The following GLIS1 variants were observed in gnomAD, a reference collection of about 807,000 sequenced individuals.
GLIS1 encodes GLIS family zinc finger 1, also known as zinc finger protein GLIS1.
Under a neutral mutation model 63.8 loss-of-function variants are expected in GLIS1, and 24 were observed. The ratio of observed to expected loss-of-function variants is 0.38; its 90% CI spans 0.27 to 0.53. The LOEUF (loss-of-function observed/expected upper bound fraction) is 0.53. Ranked by LOEUF, GLIS1 falls within the 20% of genes least tolerant of loss-of-function variation. The pLI is 0.85. For missense variants in GLIS1, 1,036 were observed against 1,074.1 expected (o/e 0.96, Z 0.50); for synonymous variants, 450 against 482.5 (o/e 0.93, Z 0.88).
At chr1:53,687,014 A>G (rs905077587) in intron 2 of GLIS1, among the ~76,000 whole-genome samples, 5 of 152,086 alleles carry the variant, frequency 3.3e-5, no homozygotes, top group Non-Finnish European at 7.3e-5. Flanking sequence ...CCCAAGAGCT[A>G]CTCCACTGCC....
intron 2 of GLIS1, among the ~76,000 whole-genome samples, chr1:53,713,602 T>A (rs1052977414): frequency 1.6e-4 from 25 of 152,170 alleles, no homozygotes; most frequent in Non-Finnish European, 2.5e-4. Context: ...AAAAATTTTT[T>A]AAAAAAATAA....
intron 4 of GLIS1, among the ~76,000 whole-genome samples, chr1:53,545,199 C>T (rs1644685537): frequency 6.6e-6 from 1 of 152,176 alleles, no homozygotes; most frequent in Non-Finnish European, 1.5e-5. Context: ...ATCACCCCTC[C>T]CAGGGCTGTG....
intron 2 of GLIS1, among the ~76,000 whole-genome samples, chr1:53,724,751 T>A (rs528860756): frequency 6.6e-6 from 1 of 152,182 alleles, no homozygotes; most frequent in South Asian, 2.1e-4. Flanking sequence ...AACTCCTGGC[T>A]TCAAGCAATC....
chr1:53,710,429 G>A (rs977161030), intron 2 of GLIS1, among the ~76,000 whole-genome samples: 1 of 152,262 alleles, frequency 6.6e-6, no homozygotes, highest in African/African-American at 2.4e-5. Flanking sequence ...AAGGCAGGTG[G>A]TCTCAGACAG....
At position 53,513,064 on chromosome 1, in the gene GLIS1, C is replaced by G. The variant is rs369238796; in HGVS notation, c.1883+1561G>C. ...GTTTTCTGGGTCCCCCTTTGCACCCCCTTCAGGCTGCCTCTTCATGGTTCT... is the reference window on the plus strand; with the variant it reads ...GTTTTCTGGGTCCCCCTTTGCACCCGCTTCAGGCTGCCTCTTCATGGTTCT... On this transcript the variant is annotated intron_variant, in intron 8 of 10. Coordinates refer to ENST00000628545, the MANE Select transcript of GLIS1 (RefSeq NM_001367484.1). Among the ~76,000 whole-genome samples the G allele has an allele frequency of 5.3e-5, 8 of 152,222 alleles. No individual in the cohort carries two copies. In the South Asian group the frequency reaches 1.5e-3, roughly 28 times the overall value.
intron 1 of GLIS1, among the ~76,000 whole-genome samples, chr1:53,738,491 C>G (rs1377775775): frequency 6.6e-6 from 1 of 152,204 alleles, no homozygotes. Flanking sequence ...ACGAGGATTC[C>G]CAGAGCAGGG....
chr1:53,521,541 G>A (rs989436697), intron 6 of GLIS1, among the ~76,000 whole-genome samples: 5 of 152,158 alleles, frequency 3.3e-5, no homozygotes, highest in Non-Finnish European at 5.9e-5. Context: ...CTCACCCCAG[G>A]CTGCCATGAG....
intron 10 of GLIS1, among the ~76,000 whole-genome samples, chr1:53,507,427 C>T (rs1231365933): frequency 2.0e-5 from 3 of 152,146 alleles, no homozygotes; most frequent in African/African-American, 4.8e-5. Context: ...GCTCTTCCAC[C>T]GGACATGCTG....
chr1:53,637,775 C>T (rs1645742374), intron 2 of GLIS1, among the ~76,000 whole-genome samples: 1 of 152,112 alleles, frequency 6.6e-6, no homozygotes, highest in African/African-American at 2.4e-5. Flanking sequence ...TGTCACCATC[C>T]CCCTTGTGAG....
In GLIS1 at chr1:53,598,737, A is replaced by C. The variant is rs1052971006; in HGVS notation, c.437+1364T>G. Among the ~76,000 whole-genome samples the C allele has an allele frequency of 1.3e-5, 2 of 152,208 alleles. No individual in the cohort carries two copies. Among genetic ancestry groups the C allele is most frequent in the African/African-American group, 4.8e-5 (2 of 41,468 alleles). ...AACCACCTAGTCCATGGCATTTGCTATGGCAGCCTAAACAAACGAATACAC... is the reference window on the plus strand; with the variant it reads ...AACCACCTAGTCCATGGCATTTGCTCTGGCAGCCTAAACAAACGAATACAC... On this transcript the variant is annotated intron_variant, in intron 3 of 10. Coordinates refer to ENST00000628545, the MANE Select transcript of GLIS1 (RefSeq NM_001367484.1). The surrounding 1 kb of genome is among the most constrained non-coding windows in gnomAD (Gnocchi z 4.6).
chr1:53,683,757 G>A (rs1215374115), intron 2 of GLIS1, among the ~76,000 whole-genome samples: 1 of 152,136 alleles, frequency 6.6e-6, no homozygotes, highest in African/African-American at 2.4e-5. Context: ...ACCCTGGGGA[G>A]GTACTGAGCA....
chr1:53,534,896 G>A (rs925031467), intron 4 of GLIS1, among the ~76,000 whole-genome samples: 4 of 152,034 alleles, frequency 2.6e-5, no homozygotes, highest in African/African-American at 7.3e-5. Flanking sequence ...GGGCTGACCC[G>A]GGGGCTTCTG....
chr1:53,520,676 C>T lies in GLIS1; in HGVS notation c.1684G>A (p.Asp562Asn), dbSNP rs749765535. ...LHTSTQLAAS[D>N]GKGGCGLGQE... ...CCCAGGCCACAGCCACCCTTGCCGT[C>T]GCTGGCAGCCAGCTGTGTGGACGTG... Residue 562 changes from aspartate to asparagine, a missense_variant, in exon 7 of 11, where the codon GAC becomes AAC. Coordinates refer to ENST00000628545, the MANE Select transcript of GLIS1 (RefSeq NM_001367484.1). 32 of 1,610,256 alleles carry T rather than the reference C, an allele frequency of 2.0e-5. No individual in the cohort carries two copies. Among genetic ancestry groups the T allele is most frequent in the Admixed American group, 3.3e-5 (2 of 59,730 alleles).
In GLIS1 at chr1:53,594,444, A is replaced by G. The variant is rs1243168382; in HGVS notation, c.984T>C (p.Phe328=). 6.2e-7 allele frequency: 1 copy of G among 1,612,820 alleles called. No homozygotes were observed. The highest frequency in any genetic ancestry group is 1.3e-5 in the African/African-American group (1 of 74,952). ...SFLKQEPADE[F]SELFGPHQQG... ...GCTGGTGAGGCCCAAAGAGCTCTGAAAACTCATCCGCGGGTTCCTGCTTCA... is the reference window on the plus strand; with the variant it reads ...GCTGGTGAGGCCCAAAGAGCTCTGAGAACTCATCCGCGGGTTCCTGCTTCA... The change falls in exon 4 of 11, where the codon TTT becomes TTC. Residue 328 remains phenylalanine, a synonymous_variant. Transcript: ENST00000628545.
chr1:53,613,530 T>C (rs539413291), intron 2 of GLIS1, among the ~76,000 whole-genome samples: 5 of 152,376 alleles, frequency 3.3e-5, no homozygotes, highest in Admixed American at 6.5e-5. Context: ...AGAAATTTTA[T>C]GTAGCTATTG....
intron 4 of GLIS1, among the ~76,000 whole-genome samples, chr1:53,556,994 G>A (rs565045921): frequency 1.5e-3 from 220 of 151,376 alleles, no homozygotes; most frequent in African/African-American, 4.7e-3. Flanking sequence ...GTGTGTGTTC[G>A]TGTGTACTAC....
rs760394115 is a variant in GLIS1 at position 53,594,744 on chromosome 1, G to A, written c.684C>T (p.Pro228=). 46 of 1,579,836 alleles carry A rather than the reference G, an allele frequency of 2.9e-5. No homozygotes were observed. The highest frequency in any genetic ancestry group is 7.1e-5 in the Admixed American group (4 of 56,006). ...GGCTGCCCTCGGGGAGGTGGGTCTC[G>A]GGCTGGAGGCCCAGGCCAGAGCTGG... ...SEPSSGLGLQ[P]ETHLPEGSLK... is the part of the protein sequence containing the mutation. Residue 228 remains proline, a synonymous_variant, in exon 4 of 11, where the codon CCC becomes CCT. Coordinates refer to ENST00000628545, the MANE Select transcript of GLIS1 (RefSeq NM_001367484.1).
At chr1:53,515,121 T>TG (rs1644338622) in intron 7 of GLIS1, among the ~76,000 whole-genome samples, 1 of 130,610 alleles carries the variant, frequency 7.7e-6, no homozygotes, top group African/African-American at 3.2e-5. Flanking sequence ...GTGTGTGTGT[T>TG]CTGAGATGGG....
intron 2 of GLIS1, among the ~76,000 whole-genome samples, chr1:53,613,075 T>A (rs1419172419): frequency 6.6e-6 from 1 of 152,254 alleles, no homozygotes; most frequent in Non-Finnish European, 1.5e-5. Context: ...CACCTTGGCC[T>A]CCCAAAGTGC....
Sources: allele counts gnomAD v4.1 joint callset (sites outside exome capture counted in the v4.1 genomes callset), GRCh38; gene constraint gnomAD v4.1.1; non-coding constraint Gnocchi (gnomAD v3.1); transcripts MANE v1.5; gene names NCBI Gene and HGNC (gene_info 2026-07-23, HGNC 2026-07-21).